Variants in CFAP54 observed in about 807,000 individuals in gnomAD.
CFAP54 encodes the protein cilia- and flagella-associated protein 54.
Under a neutral mutation model 370.4 loss-of-function variants are expected in CFAP54, and 290 were observed. The ratio of observed to expected loss-of-function variants is 0.78; its 90% CI spans 0.71 to 0.86. The LOEUF (loss-of-function observed/expected upper bound fraction) is 0.86, where lower values mean the gene tolerates loss of function less well. Among genes scored for constraint, CFAP54 ranks in the 40% least tolerant of loss-of-function variants. The probability of loss-of-function intolerance (pLI) is 0.00; values close to 1 mark genes in which losing one functional copy is unlikely to be tolerated. For missense variants in CFAP54, 3,399 were observed against 3,528.7 expected, an observed-to-expected ratio of 0.96 and a Z score of 0.93; for synonymous variants, 1,206 against 1,236.5, an observed-to-expected ratio of 0.98 and a Z score of 0.52.
Position 96,538,432 on chromosome 12 carries a change from T to C in CFAP54, c.1840T>C (p.Trp614Arg). 2 of 1,535,916 alleles carry C rather than the reference T, an allele frequency of 1.3e-6. No individual in the cohort carries two copies. Among genetic ancestry groups the C allele is most frequent in the Non-Finnish European group, 8.7e-7 (1 of 1,146,714 alleles). The change falls in exon 13 of 68, where the codon TGG (tryptophan) becomes CGG (arginine). Residue 614 changes from tryptophan (W) to arginine (R), a missense_variant. Transcript: ENST00000524981. Reference sequence around the variant, plus strand: ...TGTTGTGGACACGATAATGTTCCTATGGCAGAAATGCAAATTAGGAATTCA... The same window carrying C: ...TGTTGTGGACACGATAATGTTCCTACGGCAGAAATGCAAATTAGGAATTCA... ...EIVVDTIMFL[W>R]QKCKLGIQRL...
At chr12:96,782,074 A>G (rs1027823387) in intron 60 of CFAP54, among the ~76,000 whole-genome samples, 3 of 152,108 alleles carry the variant, frequency 2.0e-5, no homozygotes, top group Non-Finnish European at 4.4e-5. Flanking sequence ...CACTACTTTA[A>G]TAGATTGAAA....
intron 13 of CFAP54, among the ~76,000 whole-genome samples, chr12:96,539,980 T>G (rs1955552668): frequency 6.6e-6 from 1 of 152,274 alleles, no homozygotes; most frequent in Non-Finnish European, 1.5e-5. Flanking sequence ...GTGATTTTTA[T>G]CATGTACTCT....
In CFAP54 at chr12:96,633,003, A is replaced by G. The variant is rs143130044; in HGVS notation, c.4316+2352A>G. On this transcript the variant is annotated intron_variant, in intron 32 of 67. Coordinates refer to ENST00000524981, the MANE Select transcript of CFAP54 (RefSeq NM_001306084.2). ...TTGATATTAGTGTAAATTATATTTT[A>G]AAATTACATTTTTGAATTTTTCTAT... 4.2e-4 allele frequency among the ~76,000 whole-genome samples: 64 copies of G among 152,286 alleles called. 2 individuals carry two copies. In the East Asian group the frequency reaches 7.5e-3, roughly 18 times the overall value.
At chr12:96,783,000 T>G (rs896698529) in intron 60 of CFAP54, among the ~76,000 whole-genome samples, 3 of 152,194 alleles carry the variant, frequency 2.0e-5, no homozygotes, top group African/African-American at 7.2e-5. Context: ...AAAATATCAG[T>G]AAATAACAGC....
At chr12:96,610,101 T>A (rs537570273) in intron 26 of CFAP54, among the ~76,000 whole-genome samples, 7 of 152,370 alleles carry the variant, frequency 4.6e-5, no homozygotes, top group African/African-American at 1.2e-4. Context: ...CACAGAGTGA[T>A]GGGCAAACAG....
At position 96,539,163 on chromosome 12, in the gene CFAP54, C is replaced by T. The variant is rs534496264; in HGVS notation, c.1926+645C>T. On this transcript the variant is annotated intron_variant, in intron 13 of 67. Coordinates refer to ENST00000524981, the MANE Select transcript of CFAP54 (RefSeq NM_001306084.2). ...GCAACCTCTGCCTGCCGGGTTCAAG[C>T]GATTCTCCTGCCTCAGCTTCTGGAG... Among the ~76,000 whole-genome samples the T allele has an allele frequency of 1.2e-4, 18 of 146,704 alleles. No homozygotes were observed. In the South Asian group the frequency reaches 2.0e-3, roughly 16 times the overall value.
At chr12:96,609,309 A>AT (rs1219265209) in intron 26 of CFAP54, among the ~76,000 whole-genome samples, 5 of 152,214 alleles carry the variant, frequency 3.3e-5, no homozygotes, top group Non-Finnish European at 5.9e-5. Context: ...CAAAACTTGA[A>AT]TTTTTTGCAA....
intron 3 of CFAP54, among the ~76,000 whole-genome samples, chr12:96,506,602 T>A (rs1031771991): frequency 2.3e-4 from 34 of 151,014 alleles, no homozygotes; most frequent in African/African-American, 8.0e-4. Flanking sequence ...TTTTTTTTTT[T>A]TGAGATGGAG....
chr12:96,655,347 T>C (rs935685277), intron 36 of CFAP54, among the ~76,000 whole-genome samples: 2 of 151,726 alleles, frequency 1.3e-5, no homozygotes, highest in Admixed American at 6.6e-5. Flanking sequence ...ACCTCCTATG[T>C]GAACTATATT....
At chr12:96,693,945 A>T in intron 45 of CFAP54, 137 bp downstream of exon 45, 1 of 505,982 alleles carries the variant, frequency 2.0e-6, no homozygotes, top group South Asian at 3.5e-5. Flanking sequence ...TAACTTACCC[A>T]TTATTATAAT....
Position 96,852,477 on chromosome 12 carries a change from T to C in CFAP54, c.9172-8342T>C, listed in dbSNP as rs187995043. ...GGGTCAATTGGATATCTAAAAATAA[T>C]GCACCTCAACCCTTACTTTACAGAA... is the stretch of plus-strand genomic sequence containing the variant. On this transcript the variant is annotated intron_variant, in intron 66 of 67. Transcript: ENST00000524981. Among the ~76,000 whole-genome samples the C allele has an allele frequency of 2.3e-3, 353 of 152,200 alleles. 1 individual carries two copies. The highest frequency in any genetic ancestry group is 4.6e-3 in the Admixed American group (71 of 15,294).
chr12:96,502,598 A>G (rs866332736), intron 2 of CFAP54, among the ~76,000 whole-genome samples: 24 of 152,158 alleles, frequency 1.6e-4, no homozygotes, highest in Non-Finnish European at 2.8e-4. Context: ...AATCTTTAAT[A>G]GAAATTTAAA....
At chr12:96,783,450 A>G (rs1205381803) in intron 60 of CFAP54, among the ~76,000 whole-genome samples, 1 of 152,252 alleles carries the variant, frequency 6.6e-6, no homozygotes, top group Non-Finnish European at 1.5e-5. Context: ...ATGTGCATGT[A>G]TATATGTAAA....
At chr12:96,723,973 C>A (rs1293889025) in intron 50 of CFAP54, among the ~76,000 whole-genome samples, 1 of 151,686 alleles carries the variant, frequency 6.6e-6, no homozygotes, top group Non-Finnish European at 1.5e-5. Context: ...ATGATGACTT[C>A]CAATTTCATC....
chr12:96,621,049 C>T (rs1198790569), intron 26 of CFAP54, among the ~76,000 whole-genome samples: 10 of 152,172 alleles, frequency 6.6e-5, no homozygotes, highest in Admixed American at 1.3e-4. Context: ...CTTCCCCTTA[C>T]GACTACAGTG....
intron 39 of CFAP54, among the ~76,000 whole-genome samples, chr12:96,676,429 C>A (rs149433397): frequency 6.6e-6 from 1 of 152,138 alleles, no homozygotes; most frequent in African/African-American, 2.4e-5. Context: ...TGGTCCCCCC[C>A]ACCTAAATGT....
chr12:96,768,459 C>T (rs1958424430), intron 60 of CFAP54, among the ~76,000 whole-genome samples: 3 of 152,124 alleles, frequency 2.0e-5, no homozygotes, highest in Admixed American at 2.0e-4. Context: ...TCAAGACCAG[C>T]CTGGCCAACA....
intron 39 of CFAP54, among the ~76,000 whole-genome samples, chr12:96,672,092 G>A (rs983349088): frequency 6.6e-6 from 1 of 152,100 alleles, no homozygotes; most frequent in African/African-American, 2.4e-5. Context: ...GGTGGCTCAG[G>A]AGGGCTTTGT....
intron 17 of CFAP54, among the ~76,000 whole-genome samples, chr12:96,560,875 ACAGTGG>A (rs995177696): frequency 6.6e-6 from 1 of 152,188 alleles, no homozygotes; most frequent in African/African-American, 2.4e-5. Context: ...ATTAATTATT[ACAGTGG>A]TTGTACGTGA....
Sources: gnomAD v4.1 joint callset for allele counts (sites outside exome capture counted in the v4.1 genomes callset) on GRCh38, gnomAD v4.1.1 for gene constraint, MANE v1.5 for transcripts, NCBI Gene and HGNC (gene_info 2026-07-23, HGNC 2026-07-21) for gene names.